Variants in PELP1 observed in about 807,000 individuals in gnomAD.
PELP1 encodes proline-, glutamic acid- and leucine-rich protein 1.
Under a neutral mutation model 95.5 loss-of-function variants are expected in PELP1, and 32 were observed. The ratio of observed to expected loss-of-function variants is 0.34; its 90% CI spans 0.25 to 0.45. The LOEUF (loss-of-function observed/expected upper bound fraction) is 0.45, where lower values mean the gene tolerates loss of function less well. PELP1 is among the 20% of genes least tolerant of loss of function. The pLI is 1.00. For missense variants in PELP1, 1,358 were observed against 1,444.8 expected (o/e 0.94, Z 0.97); for synonymous variants, 668 against 600.1 (o/e 1.11, Z -1.65).
At position 4,674,689 on chromosome 17, in the gene PELP1, A is replaced by G. The variant is rs769870918; in HGVS notation, c.1423-20T>C. 1 of 1,592,428 alleles carries G rather than the reference A, an allele frequency of 6.3e-7. No homozygotes were observed. Among genetic ancestry groups the G allele is most frequent in the South Asian group, 1.1e-5 (1 of 88,518 alleles). On this transcript the variant is annotated intron_variant, in intron 12 of 16. Transcript: ENST00000572293. Reference sequence around the variant, plus strand: ...ACGCAGCTGGAGGCAGAGAAAACATAAATCACATCCACAGGCAAACAACAA... The same window carrying G: ...ACGCAGCTGGAGGCAGAGAAAACATGAATCACATCCACAGGCAAACAACAA...
rs1307387820 is a variant in PELP1, at chr17:4,671,309, G to A, written c.*130C>T. The stretch of plus-strand genomic sequence containing the variant: ...ATGGAGACATCTGGGGAATACTATG[G>A]ACACCCTGAAAAGCCCAGCAGACAC... On this transcript the variant is annotated 3_prime_UTR_variant, in exon 17 of 17. Transcript: ENST00000572293. 1 of 660,536 alleles carries A rather than the reference G, an allele frequency of 1.5e-6. No individual in the cohort carries two copies. The highest frequency in any genetic ancestry group is 2.8e-6 in the Non-Finnish European group (1 of 362,848). The allele number at this position is 660,536 out of a possible 1,614,324, so 40.9% of individuals were successfully genotyped here. A position where few individuals can be genotyped will look rare whatever the true frequency, so the allele number is the denominator to read the frequency against.
intron 4 of PELP1, 26 bp from the exon 5 acceptor site, chr17:4,682,599 G>A (rs367911550): frequency 5.0e-5 from 78 of 1,568,888 alleles, no homozygotes; most frequent in Non-Finnish European, 6.3e-5. Context: ...AGGGAGAAAC[G>A]AGAGGCTGCG....
chr17:4,674,232 C>T (rs568540066), intron 13 of PELP1, among the ~76,000 whole-genome samples: 14 of 152,274 alleles, frequency 9.2e-5, no homozygotes, highest in Non-Finnish European at 1.9e-4. Context: ...CCGGTCTAAC[C>T]GCAGGACCCG....
At chr17:4,671,572 C>T (rs372040565) in intron 16 of PELP1, 41 bp from the exon 17 acceptor site, 6 of 1,611,660 alleles carry the variant, frequency 3.7e-6, no homozygotes, top group South Asian at 2.2e-5. Flanking sequence ...TAGTCACACA[C>T]ACATACACAG....
At chr17:4,700,774 T>A in intron 1 of PELP1, among the ~76,000 whole-genome samples, 1 of 150,738 alleles carries the variant, frequency 6.6e-6, no homozygotes, top group East Asian at 2.0e-4. Context: ...AAAAAATTTT[T>A]AAATTAGCCA....
chr17:4,691,616 G>A (rs1913103360), intron 1 of PELP1, 174 bp from the exon 2 acceptor site: 5 of 606,836 alleles, frequency 8.2e-6, no homozygotes, highest in Non-Finnish European at 2.9e-6. Context: ...TTTCCTGTGG[G>A]AAAGGCTGTT....
In PELP1 at chr17:4,672,212, C is replaced by CAAA; in HGVS notation, c.2778_2779insTTT (p.Glu926_Glu927insPhe). ...AATTCTTCCTCAAACTCTTCTTCCT[C>CAAA]CTCTTCTTCCTCTTCAAAATATTCC... On this transcript the variant is annotated inframe_insertion, in exon 16 of 17. Coordinates refer to ENST00000572293, the MANE Select transcript of PELP1 (RefSeq NM_014389.3). The CAAA allele has an allele frequency of 1.9e-6, 3 of 1,552,514 alleles. No individual in the cohort carries two copies. Among genetic ancestry groups the CAAA allele is most frequent in the Non-Finnish European group, 2.6e-6 (3 of 1,147,402 alleles).
rs1160223428 is a variant in PELP1 at position 4,671,365 on chromosome 17, C to A, written c.*74G>T. On this transcript the variant is annotated 3_prime_UTR_variant, in exon 17 of 17. Transcript: ENST00000572293. ...CTTCTGGCTGGGGACCCAGGTGTGG[C>A]AAAAGGCAGAAGCAGCAGTCGCTAT... The A allele has an allele frequency of 1.4e-5, 12 of 871,770 alleles. No individual in the cohort carries two copies. In the Admixed American group the frequency reaches 1.9e-4, roughly 14 times the overall value. 54.0% of individuals were successfully genotyped at this position (871,770 alleles called of 1,614,324 possible). A position where few individuals can be genotyped will look rare whatever the true frequency, so the allele number is the denominator to read the frequency against.
rs756440658 is a variant in PELP1 at position 4,672,419 on chromosome 17, G to A, written c.2572C>T (p.Pro858Ser). Residue 858 changes from proline (P) to serine (S), a missense_variant, in exon 16 of 17, where the codon CCC (proline) becomes TCC (serine). By Grantham distance (74) the Pro-to-Ser change is moderately conservative. Coordinates refer to ENST00000572293, the MANE Select transcript of PELP1 (RefSeq NM_014389.3). ...PVPGPVTLPPPQLVPEGTPGG... is the reference protein window; with the variant it reads ...PVPGPVTLPPSQLVPEGTPGG... ...GGAGTCCCTTCAGGGACCAACTGGG[G>A]TGGAGGGAGCGTCACAGGACCAGGA... 3 of 1,568,820 alleles carry A rather than the reference G, an allele frequency of 1.9e-6. No individual in the cohort carries two copies. The highest frequency in any genetic ancestry group is 1.7e-4 in the Middle Eastern group (1 of 6,030).
At chr17:4,674,384 A>G in intron 13 of PELP1, 126 bp downstream of exon 13, 2 of 812,848 alleles carry the variant, frequency 2.5e-6, no homozygotes, top group Admixed American at 2.7e-5. Flanking sequence ...CAGTGGACGA[A>G]GGCTGGTCTA....
intron 1 of PELP1, among the ~76,000 whole-genome samples, chr17:4,694,303 C>T (rs1913211182): frequency 1.3e-5 from 2 of 151,862 alleles, no homozygotes; most frequent in Non-Finnish European, 2.9e-5. Context: ...CTGAGCACAG[C>T]AATGACCGCA....
rs1912364382 is a variant in PELP1 at position 4,674,410 on chromosome 17, A to G, written c.1582+100T>C. 4 of 1,131,780 alleles carry G rather than the reference A, an allele frequency of 3.5e-6. No individual in the cohort carries two copies. In the South Asian group the frequency reaches 4.2e-5, roughly 12 times the overall value. 70.1% of individuals were successfully genotyped at this position (1,131,780 alleles called of 1,614,324 possible). A position where few individuals can be genotyped will look rare whatever the true frequency, so the allele number is the denominator to read the frequency against. ...GGCTGGTCTAGGCACTCTCCCCACAAAAGTTTCACCTAAGGGTATAGTAGG... is the reference window on the plus strand; with the variant it reads ...GGCTGGTCTAGGCACTCTCCCCACAGAAGTTTCACCTAAGGGTATAGTAGG... On this transcript the variant is annotated intron_variant, in intron 13 of 16. Transcript: ENST00000572293.
In PELP1 at chr17:4,674,656, C is replaced by G. The variant is rs780614470; in HGVS notation, c.1436G>C (p.Arg479Pro). The G allele has an allele frequency of 1.3e-6, 2 of 1,596,994 alleles. No homozygotes were observed. The highest frequency in any genetic ancestry group is 1.1e-5 in the South Asian group (1 of 88,918). The change falls in exon 13 of 17, where the codon CGG (arginine) becomes CCG (proline). Residue 479 changes from arginine to proline, a missense_variant. Physicochemically the swap from Arg to Pro is moderately radical, Grantham distance 103 (BLOSUM62 -2). Around this residue, in one of 7 missense-constraint regions of PELP1, gnomAD observed 538 missense variants for 628.1 expected, o/e 0.86. Transcript: ENST00000572293. ...CTGCAAACTCCCATCAGGGCTCCCC[C>G]GCGGGCTACGCAGCTGGAGGCAGAG... ...PADALKLRSP[R>P]GSPDGSLQTG...
rs1305974428 is a variant in PELP1 at position 4,672,144 on chromosome 17, CTCCTCT to C, written c.2841_2846del (p.Glu948_Glu949del). ...CCAGTTCTTCTTCCTCCTCCTCATC[CTCCTCT>C]TCTTCTTCTTCCTCTAACTCACCTT... On this transcript the variant is annotated inframe_deletion, in exon 16 of 17. Transcript: ENST00000572293. 3.2e-6 allele frequency: 5 copies of C among 1,540,456 alleles called. No homozygotes were observed. The highest frequency in any genetic ancestry group is 4.4e-6 in the Non-Finnish European group (5 of 1,143,582).
chr17:4,700,182 G>A (rs1226911375), intron 1 of PELP1, among the ~76,000 whole-genome samples: 1 of 152,116 alleles, frequency 6.6e-6, no homozygotes, highest in Non-Finnish European at 1.5e-5. Flanking sequence ...TGGGATTACA[G>A]GCGTGAGCCA....
At position 4,672,189 on chromosome 17, in the gene PELP1, T is replaced by C. The variant is rs1237722174; in HGVS notation, c.2802A>G (p.Glu934=). The C allele has an allele frequency of 1.9e-6, 3 of 1,552,242 alleles. No homozygotes were observed. The highest frequency in any genetic ancestry group is 2.6e-6 in the Non-Finnish European group (3 of 1,147,286). The change falls in exon 16 of 17, where the codon GAA becomes GAG. Residue 934 remains glutamate (E), a synonymous_variant. Transcript: ENST00000572293. ...EEEEEEEFEE[E]FEEEEGELEE... is the part of the protein sequence containing the mutation. ...CTAACTCACCTTCTTCTTCCTCAAA[T>C]TCTTCCTCAAACTCTTCTTCCTCCT...
chr17:4,687,640 A>G (rs564489591), intron 3 of PELP1, among the ~76,000 whole-genome samples: 2 of 152,344 alleles, frequency 1.3e-5, no homozygotes, highest in Admixed American at 6.5e-5. Flanking sequence ...ACAATATACA[A>G]TAGAAACTAT....
chr17:4,674,405 C>T, intron 13 of PELP1, 105 bp downstream of exon 13: 1 of 1,059,200 alleles, frequency 9.4e-7, no homozygotes, highest in Non-Finnish European at 1.4e-6. Flanking sequence ...GGCACTCTCC[C>T]CACAAAAGTT....
chr17:4,690,835 T>C, intron 3 of PELP1, 53 bp downstream of exon 3: 2 of 1,118,062 alleles, frequency 1.8e-6, no homozygotes, highest in Admixed American at 1.7e-5. Flanking sequence ...ACATCCAAGA[T>C]GGGGAATAAG....
Sources: gnomAD v4.1 joint callset for allele counts (sites outside exome capture counted in the v4.1 genomes callset) on GRCh38, gnomAD v4.1.1 for gene constraint, gnomAD v4.1.1 regional missense constraint, MANE v1.5 for transcripts, NCBI Gene and HGNC (gene_info 2026-07-23, HGNC 2026-07-21) for gene names.